The following ASCC3 variants were observed in gnomAD, a reference collection of about 807,000 sequenced individuals.
The protein encoded by ASCC3 is ASC-1 complex subunit P200.
In ASCC3, 158 loss-of-function variants were observed where a neutral mutation model predicts 256.3. The ratio of observed to expected loss-of-function variants is 0.62; its 90% CI spans 0.54 to 0.70. ASCC3 has a LOEUF of 0.70. ASCC3 is among the 30% of genes least tolerant of loss of function. The probability of loss-of-function intolerance (pLI) is 0.00; values close to 1 mark genes in which losing one functional copy is unlikely to be tolerated. For missense variants in ASCC3, 2,259 were observed against 2,626.0 expected, an observed-to-expected ratio of 0.86 and a Z score of 3.05; for synonymous variants, 948 against 883.4, an observed-to-expected ratio of 1.07 and a Z score of -1.30.
At chr6:100,557,894 A>AC (rs34352109) in intron 36 of ASCC3, among the ~76,000 whole-genome samples, 411 of 150,416 alleles carry the variant, frequency 2.7e-3, no homozygotes, top group Admixed American at 6.8e-3. Context: ...TGAGGGGATC[A>AC]CCCCCCCCAA....
chr6:100,805,885 TAA>T lies in ASCC3; in HGVS notation c.802-7_802-6del, dbSNP rs748282225. On this transcript the variant is annotated splice_region_variant and splice_polypyrimidine_tract_variant and intron_variant, in intron 4 of 41. Transcript: ENST00000369162. ...AGGTCCCAGCAGTTCAAATAGCTTATAAAAAGAGAAAAAAGTAACAAACATCA... is the reference window on the plus strand; with the variant it reads ...AGGTCCCAGCAGTTCAAATAGCTTATAAAGAGAAAAAAGTAACAAACATCA... 7 of 1,609,466 alleles carry T rather than the reference TAA, an allele frequency of 4.3e-6. No individual in the cohort carries two copies. The highest frequency in any genetic ancestry group is 5.9e-6 in the Non-Finnish European group (7 of 1,177,880).
intron 3 of ASCC3, among the ~76,000 whole-genome samples, chr6:100,854,126 T>C (rs972499434): frequency 9.9e-5 from 15 of 151,470 alleles, no homozygotes; most frequent in Admixed American, 8.6e-4. Flanking sequence ...TTACATAACA[T>C]ACTGATGCTA....
chr6:100,684,008 C>T (rs1777436438), intron 13 of ASCC3, among the ~76,000 whole-genome samples: 1 of 151,890 alleles, frequency 6.6e-6, no homozygotes, highest in Non-Finnish European at 1.5e-5. Flanking sequence ...TTTGACTTGT[C>T]AAAGAAAGTG....
chr6:100,663,621 G>A (rs1776332385), intron 14 of ASCC3, among the ~76,000 whole-genome samples: 1 of 152,056 alleles, frequency 6.6e-6, no homozygotes, highest in Admixed American at 6.6e-5. Context: ...TCCTTTATGT[G>A]AAAAGGTGAA....
At chr6:100,724,932 T>A (rs62420583) in intron 11 of ASCC3, among the ~76,000 whole-genome samples, 4,867 of 152,078 alleles carry the variant, frequency 0.032, 124 homozygotes, top group Non-Finnish European at 0.053. Flanking sequence ...GAACGTCTAC[T>A]GATACTAGTC....
At chr6:100,823,388 G>T (rs542717456) in intron 4 of ASCC3, among the ~76,000 whole-genome samples, 2 of 152,270 alleles carry the variant, frequency 1.3e-5, no homozygotes, top group South Asian at 2.1e-4. Context: ...TGCGGGTATA[G>T]AAACAGACTT....
At chr6:100,622,950 CTATA>C (rs1774037669) in intron 30 of ASCC3, among the ~76,000 whole-genome samples, 2 of 152,028 alleles carry the variant, frequency 1.3e-5, no homozygotes, top group Admixed American at 1.3e-4. Flanking sequence ...TGCACAATGT[CTATA>C]TACTTTAAGC....
intron 37 of ASCC3, among the ~76,000 whole-genome samples, chr6:100,525,920 CAGA>C (rs1380307329): frequency 2.0e-5 from 3 of 151,996 alleles, no homozygotes; most frequent in Admixed American, 6.6e-5. Context: ...CAAGAGCTCC[CAGA>C]AGTTTTACAA....
intron 22 of ASCC3, 93 bp from the exon 23 acceptor site, chr6:100,644,222 A>G (rs1775271805): frequency 1.2e-6 from 1 of 824,414 alleles, no homozygotes; most frequent in Non-Finnish European, 2.1e-6. Flanking sequence ...TTATTGATAT[A>G]TCATTTATAT....
chr6:100,697,040 T>G (rs775122077), intron 13 of ASCC3, among the ~76,000 whole-genome samples: 32 of 152,102 alleles, frequency 2.1e-4, no homozygotes, highest in Non-Finnish European at 4.0e-4. Context: ...GTTGAATCTT[T>G]CAAAAACCAA....
intron 11 of ASCC3, among the ~76,000 whole-genome samples, chr6:100,719,222 T>C (rs1779213587): frequency 1.3e-5 from 2 of 152,096 alleles, no homozygotes; most frequent in African/African-American, 2.4e-5. Context: ...ATATAGTATC[T>C]TATTATAAAT....
chr6:100,655,960 C>T (rs1775895212), intron 16 of ASCC3, 142 bp from the exon 17 acceptor site: 6 of 848,582 alleles, frequency 7.1e-6, no homozygotes, highest in South Asian at 1.6e-5. Context: ...TGACTGGACA[C>T]AACACTTTGC....
At chr6:100,573,516 A>T (rs537958781) in intron 36 of ASCC3, among the ~76,000 whole-genome samples, 1 of 152,262 alleles carries the variant, frequency 6.6e-6, no homozygotes, top group East Asian at 1.9e-4. Context: ...TCAACATTAA[A>T]GTTTCCATAT....
intron 37 of ASCC3, among the ~76,000 whole-genome samples, chr6:100,536,850 G>A (rs1775189323): frequency 2.0e-5 from 3 of 152,066 alleles, no homozygotes; most frequent in African/African-American, 7.2e-5. Flanking sequence ...GCTGGGGCAG[G>A]GACAGCACAA....
chr6:100,828,169 A>G (rs996810190), intron 4 of ASCC3, among the ~76,000 whole-genome samples: 6 of 151,912 alleles, frequency 3.9e-5, no homozygotes, highest in Non-Finnish European at 7.4e-5. Flanking sequence ...TTATTTCATA[A>G]TAGCAACAAA....
chr6:100,528,024 T>C (rs1384445154), intron 37 of ASCC3, among the ~76,000 whole-genome samples: 2 of 151,524 alleles, frequency 1.3e-5, no homozygotes, highest in Admixed American at 1.3e-4. Context: ...TTGGTAGATA[T>C]GGGGTCTCAC....
intron 3 of ASCC3, chr6:100,858,614 ATATT>A (rs1773073780): frequency 3.0e-6 from 3 of 987,304 alleles, no homozygotes; most frequent in South Asian, 4.7e-5. Flanking sequence ...CTATCTTCTC[ATATT>A]TATTAATCCA....
chr6:100,875,685 T>C (rs1773966112), intron 1 of ASCC3, among the ~76,000 whole-genome samples: 1 of 151,728 alleles, frequency 6.6e-6, no homozygotes, highest in South Asian at 2.1e-4. Context: ...CACAAATCAG[T>C]TGTCATATGG....
chr6:100,710,330 T>A (rs1391510097), intron 13 of ASCC3, among the ~76,000 whole-genome samples: 6 of 152,120 alleles, frequency 3.9e-5, no homozygotes, highest in Admixed American at 3.9e-4. Flanking sequence ...CATTCCTAAG[T>A]TCTTCATGCC....
Sources: allele counts gnomAD v4.1 joint callset (sites outside exome capture counted in the v4.1 genomes callset), GRCh38; gene constraint gnomAD v4.1.1; transcripts MANE v1.5; gene names NCBI Gene and HGNC (gene_info 2026-07-23, HGNC 2026-07-21).